AMPH: variants seen among roughly 807,000 people sequenced by gnomAD.
The protein encoded by AMPH is amphiphysin (Stiff-Mann syndrome with breast cancer 128kD autoantigen).
In AMPH, 49 loss-of-function variants were observed where a neutral mutation model predicts 99.1. That is an observed-to-expected ratio of 0.49 (90% CI 0.39 to 0.63). AMPH has a LOEUF of 0.63. AMPH is among the 20% of genes least tolerant of loss of function. The pLI is 0.00. For synonymous variants in AMPH, 314 were observed against 317.3 expected, an observed-to-expected ratio of 0.99 and a Z score of 0.11; for missense variants, 759 against 863.4, an observed-to-expected ratio of 0.88 and a Z score of 1.52.
intron 2 of AMPH, among the ~76,000 whole-genome samples, chr7:38,515,091 G>T (rs1451069874): frequency 6.6e-6 from 1 of 152,144 alleles, no homozygotes; most frequent in African/African-American, 2.4e-5. Context: ...GACAGTAAAG[G>T]CCATTCTGGT....
chr7:38,457,303 A>G (rs1425571334), intron 11 of AMPH, among the ~76,000 whole-genome samples: 1 of 152,248 alleles, frequency 6.6e-6, no homozygotes, highest in Non-Finnish European at 1.5e-5. Flanking sequence ...ATTTTGAAAA[A>G]CAAAGAAATC....
intron 14 of AMPH, chr7:38,428,389 C>A (rs763049758): frequency 1.1e-5 from 5 of 456,652 alleles, no homozygotes; most frequent in South Asian, 7.7e-5. Context: ...GAACATAAAT[C>A]TCTTCTGTTT....
intron 11 of AMPH, among the ~76,000 whole-genome samples, chr7:38,437,675 A>G (rs1175949422): frequency 2.7e-5 from 4 of 150,298 alleles, no homozygotes; most frequent in Non-Finnish European, 5.9e-5. Context: ...ATGGTGGTGC[A>G]TGACCGTAGT....
At chr7:38,614,920 AAAG>A (rs1187777400) in intron 1 of AMPH, among the ~76,000 whole-genome samples, 6 of 152,156 alleles carry the variant, frequency 3.9e-5, no homozygotes, top group Non-Finnish European at 4.4e-5. Context: ...CCAAAGTTAA[AAAG>A]AAGGTAACTG....
chr7:38,471,605 G>A (rs1787889963), intron 7 of AMPH, among the ~76,000 whole-genome samples: 1 of 152,110 alleles, frequency 6.6e-6, no homozygotes, highest in Non-Finnish European at 1.5e-5. Context: ...TACCAAAATA[G>A]TAGACAGAAA....
rs367689186 is a variant in AMPH at position 38,394,022 on chromosome 7, C to T, written c.1591G>A (p.Glu531Lys). Reference sequence around the variant, plus strand: ...ACACTCACCTGAGGCACTGTTGCTTCGAGCTCCTCTGCTTCAGGTTGGGCA... The same window carrying T: ...ACACTCACCTGAGGCACTGTTGCTTTGAGCTCCTCTGCTTCAGGTTGGGCA... ...ESAQPEAEELEATVPQEKVIP... is the reference protein window; with the variant it reads ...ESAQPEAEELKATVPQEKVIP... Residue 531 changes from glutamate (E) to lysine (K), a missense_variant, in exon 18 of 21, where the codon GAA becomes AAA. By Grantham distance (56) the Glu-to-Lys change is moderately conservative (BLOSUM62 1). This residue lies in a region of AMPH where 554 missense variants were observed against 575.6 expected (regional missense o/e 0.96). Transcript: ENST00000356264. The T allele has an allele frequency of 1.5e-5, 24 of 1,614,190 alleles. No homozygotes were observed. The highest frequency in any genetic ancestry group is 2.2e-5 in the East Asian group (1 of 44,874).
chr7:38,512,832 G>A (rs28369033), intron 2 of AMPH, among the ~76,000 whole-genome samples: 473 of 152,242 alleles, frequency 3.1e-3, no homozygotes, highest in African/African-American at 0.011. Context: ...AGAATAAAGA[G>A]GTTAACAGAT....
At chr7:38,622,933 C>T (rs1794122838) in intron 1 of AMPH, among the ~76,000 whole-genome samples, 1 of 152,252 alleles carries the variant, frequency 6.6e-6, no homozygotes, top group Non-Finnish European at 1.5e-5. Flanking sequence ...GTGAGGGCAC[C>T]GTACTGTGCT....
chr7:38,552,574 C>A (rs763902871), intron 1 of AMPH, among the ~76,000 whole-genome samples: 6 of 152,188 alleles, frequency 3.9e-5, no homozygotes, highest in Admixed American at 3.3e-4. Context: ...TGTTTACTGA[C>A]CTGCATCTCC....
intron 4 of AMPH, among the ~76,000 whole-genome samples, chr7:38,491,447 G>A (rs1788715808): frequency 6.6e-6 from 1 of 152,112 alleles, no homozygotes; most frequent in Admixed American, 6.6e-5. Flanking sequence ...GGACTTTGGG[G>A]CTAAGAGACT....
At chr7:38,594,674 A>G (rs982228967) in intron 1 of AMPH, among the ~76,000 whole-genome samples, 2 of 152,144 alleles carry the variant, frequency 1.3e-5, no homozygotes, top group African/African-American at 4.8e-5. Context: ...ATATTTTTCT[A>G]GAGAAATATG....
chr7:38,517,407 C>G (rs1330304365), intron 2 of AMPH, among the ~76,000 whole-genome samples: 4 of 152,218 alleles, frequency 2.6e-5, no homozygotes, highest in African/African-American at 9.7e-5. Context: ...CCTTCACTCT[C>G]TTCCTCCTGC....
At chr7:38,417,480 T>C (rs930593992) in intron 17 of AMPH, among the ~76,000 whole-genome samples, 1 of 152,232 alleles carries the variant, frequency 6.6e-6, no homozygotes, top group African/African-American at 2.4e-5. Context: ...GTTATTATTC[T>C]GTTTATCACA....
intron 19 of AMPH, 136 bp from the exon 20 acceptor site, chr7:38,390,041 C>A: frequency 1.5e-6 from 1 of 666,506 alleles, no homozygotes; most frequent in Non-Finnish European, 2.6e-6. Flanking sequence ...GCCTCTAAAG[C>A]CAGAAGGGAA....
chr7:38,439,340 T>A (rs954238430), intron 11 of AMPH, among the ~76,000 whole-genome samples: 3 of 152,238 alleles, frequency 2.0e-5, no homozygotes, highest in African/African-American at 7.2e-5. Flanking sequence ...TTGGACTGCC[T>A]TCAAAATATG....
intron 1 of AMPH, among the ~76,000 whole-genome samples, chr7:38,604,540 G>A (rs75692165): frequency 0.014 from 2,160 of 152,300 alleles, 51 homozygotes; most frequent in African/African-American, 0.049. Context: ...ACGGGCCTAG[G>A]TTGGGATCCT....
intron 17 of AMPH, among the ~76,000 whole-genome samples, chr7:38,411,165 A>G (rs1264012905): frequency 1.3e-5 from 2 of 152,202 alleles, no homozygotes; most frequent in African/African-American, 4.8e-5. Flanking sequence ...CGTTTTCTTA[A>G]TCTGTAAAAC....
intron 14 of AMPH, chr7:38,428,030 G>C (rs1490415491): frequency 4.4e-6 from 2 of 456,496 alleles, no homozygotes; most frequent in Non-Finnish European, 8.8e-6. Context: ...AGCTAGCAAT[G>C]GCTTGTTCCC....
At chr7:38,455,212 A>G (rs1468339364) in intron 11 of AMPH, among the ~76,000 whole-genome samples, 2 of 151,944 alleles carry the variant, frequency 1.3e-5, no homozygotes, top group African/African-American at 2.4e-5. Context: ...CTGGGATTAC[A>G]GGCATGCACC....
Sources: gnomAD v4.1 joint callset for allele counts (sites outside exome capture counted in the v4.1 genomes callset) on GRCh38, gnomAD v4.1.1 for gene constraint, gnomAD v4.1.1 regional missense constraint, MANE v1.5 for transcripts, NCBI Gene and HGNC (gene_info 2026-07-23, HGNC 2026-07-21) for gene names.